The following ZNF544 variants were observed in gnomAD, a reference collection of about 807,000 sequenced individuals.
ZNF544 encodes the protein zinc finger protein 544, also known as zinc finger protein AF020591.
A neutral mutation model predicts 13.5 loss-of-function variants in ZNF544; 10 were observed. That is an observed-to-expected ratio of 0.74 (90% CI 0.46 to 1.25). The LOEUF is 1.25. ZNF544 is among the 50% of genes most tolerant of loss of function. The probability of loss-of-function intolerance (pLI) is 0.00; values close to 1 mark genes in which losing one functional copy is unlikely to be tolerated. For synonymous variants in ZNF544, 323 were observed against 300.5 expected (o/e 1.07, Z -0.77); for missense variants, 896 against 845.6 (o/e 1.06, Z -0.74).
intron 3 of ZNF544, among the ~76,000 whole-genome samples, chr19:58,232,960 A>AG (rs1360360523): frequency 6.6e-6 from 1 of 150,568 alleles, no homozygotes; most frequent in Non-Finnish European, 1.5e-5. Context: ...AAAAAAAAAA[A>AG]AAAAAAAAAG....
chr19:58,276,584 C>T (rs2051240502), intron 6 of ZNF544, among the ~76,000 whole-genome samples: 1 of 152,240 alleles, frequency 6.6e-6, no homozygotes, highest in African/African-American at 2.4e-5. Context: ...TCTCCTGCCT[C>T]AGCCTCCTGA....
intron 6 of ZNF544, among the ~76,000 whole-genome samples, chr19:58,256,494 A>C (rs750972855): frequency 1.3e-5 from 2 of 152,212 alleles, no homozygotes; most frequent in Non-Finnish European, 2.9e-5. Context: ...CAGAAGTAAA[A>C]ACATGCAAGA....
chr19:58,260,933 G>T lies in ZNF544; in HGVS notation c.327G>T (p.Val109=). ...AREELSHHVE[V]YRSGPEEPPS... Reference sequence around the variant, plus strand: ...AAGAACTATCCCACCACGTGGAAGTGTACAGGAGTGGACCGGAGGAGCCAC... The same window carrying T: ...AAGAACTATCCCACCACGTGGAAGTTTACAGGAGTGGACCGGAGGAGCCAC... The change falls in exon 7 of 7, where the codon GTG becomes GTT. Residue 109 remains valine, a synonymous_variant. Coordinates refer to ENST00000687789, the MANE Select transcript of ZNF544 (RefSeq NM_014480.4). 1 of 1,614,162 alleles carries T rather than the reference G, an allele frequency of 6.2e-7. No homozygotes were observed. The highest frequency in any genetic ancestry group is 8.5e-7 in the Non-Finnish European group (1 of 1,180,030).
intron 4 of ZNF544, among the ~76,000 whole-genome samples, chr19:58,245,231 C>T (rs1004723430): frequency 1.1e-4 from 17 of 148,986 alleles, no homozygotes; most frequent in East Asian, 5.9e-4. Context: ...TGAACCACCG[C>T]GCCCGACCCC....
At chr19:58,269,836 A>G (rs1221720809) in intron 5 of ZNF544, among the ~76,000 whole-genome samples, 1 of 151,380 alleles carries the variant, frequency 6.6e-6, no homozygotes, top group African/African-American at 2.4e-5. Flanking sequence ...CAGGAGTATC[A>G]CTTGAACCTG....
intron 6 of ZNF544, chr19:58,259,844 G>C (rs576545360): frequency 6.6e-6 from 1 of 152,268 alleles, no homozygotes; most frequent in South Asian, 2.1e-4. Context: ...AACCTGGGAG[G>C]TGGAGTTGCA....
At chr19:58,234,862 A>T (rs2042062343) in intron 3 of ZNF544, among the ~76,000 whole-genome samples, 1 of 152,224 alleles carries the variant, frequency 6.6e-6, no homozygotes, top group Non-Finnish European at 1.5e-5. Flanking sequence ...AAAATTGTTT[A>T]TTGGCATTGG....
At position 58,262,906 on chromosome 19, in the gene ZNF544, G is replaced by A; in HGVS notation, c.*152G>A. ...ATCAGAGGACATATCCTGGAGAAAA[G>A]CCCTACGAATGCATTGATTGTGGGA... On this transcript the variant is annotated 3_prime_UTR_variant, in exon 7 of 7. Transcript: ENST00000687789. 6.8e-7 allele frequency: 1 copy of A among 1,462,506 alleles called. No individual in the cohort carries two copies. Among genetic ancestry groups the A allele is most frequent in the Non-Finnish European group, 9.0e-7 (1 of 1,113,882 alleles). The allele number at this position is 1,462,506 out of a possible 1,614,324, so 90.6% of individuals were successfully genotyped here.
At chr19:58,250,403 G>T (rs907496395) in intron 6 of ZNF544, among the ~76,000 whole-genome samples, 1 of 152,188 alleles carries the variant, frequency 6.6e-6, no homozygotes, top group African/African-American at 2.4e-5. Context: ...CTTCCCAAGG[G>T]AAAATATGAT....
In ZNF544 at chr19:58,262,325, G is replaced by A; in HGVS notation, c.1719G>A (p.Glu573=). The A allele has an allele frequency of 1.2e-6, 2 of 1,613,918 alleles. No individual in the cohort carries two copies. The highest frequency in any genetic ancestry group is 2.2e-5 in the East Asian group (1 of 44,866). ...TACATCAGAGAATTCATACTGGAGA[G>A]AAACCGTACGATTGCACTCACTGTG... ...LVIHQRIHTG[E]KPYDCTHCGK... The change falls in exon 7 of 7, where the codon GAG becomes GAA. Residue 573 remains glutamate, a synonymous_variant. Transcript: ENST00000687789.
At position 58,261,254 on chromosome 19, in the gene ZNF544, T is replaced by C; in HGVS notation, c.648T>C (p.His216=). The change falls in exon 7 of 7, where the codon CAT becomes CAC. Residue 216 remains histidine (H), a synonymous_variant. Transcript: ENST00000687789. ...CAGATGGGAAGCACTGTGAGAGTCATCAGTGTGCTAGAGCTTTCTGTCAGA... is the reference window on the plus strand; with the variant it reads ...CAGATGGGAAGCACTGTGAGAGTCACCAGTGTGCTAGAGCTTTCTGTCAGA... ...NGADGKHCES[H]QCARAFCQSI... The C allele has an allele frequency of 6.2e-7, 1 of 1,614,212 alleles. No individual in the cohort carries two copies. Among genetic ancestry groups the C allele is most frequent in the Non-Finnish European group, 8.5e-7 (1 of 1,180,034 alleles).
chr19:58,245,551 C>T (rs368862502), intron 4 of ZNF544, among the ~76,000 whole-genome samples: 5 of 152,206 alleles, frequency 3.3e-5, no homozygotes, highest in African/African-American at 7.2e-5. Flanking sequence ...CTGCCCGCCT[C>T]GGCCTCCCAA....
chr19:58,261,046 C>T lies in ZNF544; in HGVS notation c.440C>T (p.Ser147Leu), dbSNP rs753737901. The T allele has an allele frequency of 6.2e-7, 1 of 1,614,068 alleles. No individual in the cohort carries two copies. The highest frequency in any genetic ancestry group is 8.5e-7 in the Non-Finnish European group (1 of 1,180,026). Reference protein sequence around the residue: ...ENSLRFMVLTSERLFAQREHC... With the variant: ...ENSLRFMVLTLERLFAQREHC... ...TCCTTGAGGTTCATGGTACTCACCT[C>T]AGAGAGACTGTTTGCTCAAAGGGAA... The change falls in exon 7 of 7, where the codon TCA becomes TTA. Residue 147 changes from serine (S) to leucine (L), a missense_variant. By Grantham distance (145) the Ser-to-Leu change is moderately radical (BLOSUM62 -2). Transcript: ENST00000687789.
At chr19:58,245,485 A>G (rs982013258) in intron 4 of ZNF544, among the ~76,000 whole-genome samples, 2 of 151,266 alleles carry the variant, frequency 1.3e-5, no homozygotes, top group African/African-American at 4.9e-5. Context: ...TATTTTTAGT[A>G]GAGACGGGGT....
At chr19:58,252,089 CTT>C (rs369098713) in intron 6 of ZNF544, among the ~76,000 whole-genome samples, 2 of 152,144 alleles carry the variant, frequency 1.3e-5, no homozygotes, top group Non-Finnish European at 2.9e-5. Context: ...CTGGCAGAAA[CTT>C]TTATCCTTTG....
chr19:58,239,161 G>GAC (rs1257018051), intron 3 of ZNF544, among the ~76,000 whole-genome samples: 1 of 152,208 alleles, frequency 6.6e-6, no homozygotes, highest in Non-Finnish European at 1.5e-5. Context: ...TCCTGTGCCT[G>GAC]ACACAGGCTT....
exon 7 of ZNF544, chr19:58,277,220 C>T (rs1806822273): frequency 1.3e-6 from 1 of 747,204 alleles, no homozygotes; most frequent in Non-Finnish European, 1.6e-6. Context: ...GGTACAGGGC[C>T]AGAAGGATCT....
intron 3 of ZNF544, among the ~76,000 whole-genome samples, chr19:58,237,364 T>A (rs2042631945): frequency 6.6e-6 from 1 of 152,186 alleles, no homozygotes; most frequent in African/African-American, 2.4e-5. Flanking sequence ...GCCTCAAGCT[T>A]CTGTTCATCT....
At chr19:58,247,309 T>C (rs146670855) in intron 6 of ZNF544, 2,540 of 153,668 alleles carry the variant, frequency 0.017, 22 homozygotes, top group Middle Eastern at 0.093. Context: ...TTGCCCAGAC[T>C]GGAGTGCAAT....
Sources: allele counts gnomAD v4.1 joint callset (sites outside exome capture counted in the v4.1 genomes callset), GRCh38; gene constraint gnomAD v4.1.1; transcripts MANE v1.5; gene names NCBI Gene and HGNC (gene_info 2026-07-23, HGNC 2026-07-21).